The following CLPX variants were observed in gnomAD, a reference collection of about 807,000 sequenced individuals.
CLPX encodes ATP-dependent clpX-like chaperone, mitochondrial.
A neutral mutation model predicts 76.4 loss-of-function variants in CLPX; 34 were observed. That is an observed-to-expected ratio of 0.45 (90% CI 0.34 to 0.59). The LOEUF (loss-of-function observed/expected upper bound fraction) is 0.59, where lower values mean the gene tolerates loss of function less well. Ranked by LOEUF, CLPX falls within the 20% of genes least tolerant of loss-of-function variation. The pLI, the probability that CLPX is intolerant of heterozygous loss-of-function variation, is 0.01. For missense variants in CLPX, 613 were observed against 757.0 expected, an observed-to-expected ratio of 0.81 and a Z score of 2.23; for synonymous variants, 248 against 270.9, an observed-to-expected ratio of 0.92 and a Z score of 0.83.
chr15:65,171,103 G>T (rs2087999341), intron 3 of CLPX, among the ~76,000 whole-genome samples: 1 of 151,916 alleles, frequency 6.6e-6, no homozygotes, highest in Non-Finnish European at 1.5e-5. Context: ...TTACAGGCAT[G>T]AGCCACTGCG....
rs1282284584 is a variant in CLPX, at chr15:65,153,443, C to T, written c.1704+104G>A. The T allele has an allele frequency of 4.0e-6, 3 of 746,276 alleles. No homozygotes were observed. In the East Asian group the frequency reaches 8.6e-5, roughly 22 times the overall value. 46.2% of individuals were successfully genotyped at this position (746,276 alleles called of 1,614,324 possible). ...TGCACTCCTTTATTTGAGACTCTGT[C>T]TCAAAATATATATACATATTTTCCA... On this transcript the variant is annotated intron_variant, in intron 12 of 13. Transcript: ENST00000300107.
intron 4 of CLPX, 35 bp from the exon 5 acceptor site, chr15:65,164,223 A>C (rs1472027549): frequency 9.2e-6 from 14 of 1,516,120 alleles, no homozygotes; most frequent in Non-Finnish European, 1.2e-5. Flanking sequence ...ATTTAATATG[A>C]GCTATTATAA....
At position 65,177,194 on chromosome 15, in the gene CLPX, G is replaced by A. The variant is rs190443809; in HGVS notation, c.358+1740C>T. Among the ~76,000 whole-genome samples, 137 of 151,666 alleles carry A rather than the reference G, an allele frequency of 9.0e-4. 1 individual carries two copies. Among genetic ancestry groups the A allele is most frequent in the Middle Eastern group, 3.4e-3 (1 of 294 alleles). On this transcript the variant is annotated intron_variant, in intron 3 of 13. Transcript: ENST00000300107. ...AGAGATTCTCCTGTCTCAGCCTCCCGAACAGCTGGGACTTCAGATGCACGC... is the reference window on the plus strand; with the variant it reads ...AGAGATTCTCCTGTCTCAGCCTCCCAAACAGCTGGGACTTCAGATGCACGC...
At chr15:65,157,055 A>G in intron 8 of CLPX, 123 bp from the exon 9 acceptor site, 1 of 595,410 alleles carries the variant, frequency 1.7e-6, no homozygotes, top group East Asian at 2.9e-5. Flanking sequence ...AACATATCCA[A>G]TAGCTTGACA....
intron 4 of CLPX, among the ~76,000 whole-genome samples, chr15:65,165,570 A>G (rs966289741): frequency 5.9e-5 from 9 of 151,520 alleles, no homozygotes; most frequent in Admixed American, 1.3e-4. Context: ...TTTTTTTAGT[A>G]GAGACGGGGT....
intron 12 of CLPX, 148 bp downstream of exon 12, chr15:65,153,399 T>C (rs1411529247): frequency 3.4e-6 from 2 of 582,568 alleles, no homozygotes; most frequent in Non-Finnish European, 5.9e-6. Context: ...GAGATTGCAG[T>C]GAGCCAAGAT....
intron 2 of CLPX, among the ~76,000 whole-genome samples, chr15:65,179,677 T>C (rs997628972): frequency 6.6e-6 from 1 of 152,206 alleles, no homozygotes; most frequent in African/African-American, 2.4e-5. Flanking sequence ...CATTAAGTTA[T>C]ACCACAAATC....
chr15:65,156,865 T>C lies in CLPX; in HGVS notation c.1125A>G (p.Val375=), dbSNP rs1378311719. 1.2e-6 allele frequency: 2 copies of C among 1,613,100 alleles called. No individual in the cohort carries two copies. The highest frequency in any genetic ancestry group is 1.7e-6 in the Non-Finnish European group (2 of 1,179,254). ...SVPGIHQLRD[V]GGEGVQQGLL... ...TTACTTGCTGAACGCCTTCTCCACCTACATCCCGTAATTGATGAATGCCTG... is the reference window on the plus strand; with the variant it reads ...TTACTTGCTGAACGCCTTCTCCACCCACATCCCGTAATTGATGAATGCCTG... Residue 375 remains valine (V), a synonymous_variant, in exon 9 of 14, where the codon GTA becomes GTG. Transcript: ENST00000300107.
chr15:65,177,837 C>T (rs1163996243), intron 3 of CLPX, among the ~76,000 whole-genome samples: 2 of 151,976 alleles, frequency 1.3e-5, no homozygotes, highest in African/African-American at 4.8e-5. Context: ...CAGGTTCTTG[C>T]TTTGTCGCCG....
chr15:65,175,827 CAGA>C (rs991034999), intron 3 of CLPX, among the ~76,000 whole-genome samples: 3 of 152,066 alleles, frequency 2.0e-5, no homozygotes, highest in Non-Finnish European at 2.9e-5. Context: ...TGATCAGACA[CAGA>C]AGGATTCAAA....
intron 6 of CLPX, among the ~76,000 whole-genome samples, chr15:65,161,823 A>G (rs2087859208): frequency 2.6e-5 from 4 of 152,176 alleles, no homozygotes. Flanking sequence ...CAGTATTTCT[A>G]TAAATTTAAA....
At chr15:65,183,753 TG>T (rs1451893465) in intron 1 of CLPX, among the ~76,000 whole-genome samples, 1 of 152,136 alleles carries the variant, frequency 6.6e-6, no homozygotes, top group Non-Finnish European at 1.5e-5. Flanking sequence ...ATCCACCCAC[TG>T]GAAACTGTAT....
chr15:65,155,841 G>C lies in CLPX; in HGVS notation c.1162C>G (p.Leu388Val). 1 of 1,613,318 alleles carries C rather than the reference G, an allele frequency of 6.2e-7. No individual in the cohort carries two copies. The highest frequency in any genetic ancestry group is 8.5e-7 in the Non-Finnish European group (1 of 1,179,446). ...GGAACATTGACTATTGTGCCTTCTA[G>C]TAGTTTTAATAAGCCCTAAATAAAG... ...EGVQQGLLKL[L>V]EGTIVNVPEK... Residue 388 changes from leucine to valine, a missense_variant, in exon 10 of 14, where the codon CTA becomes GTA. Leu to Val is a conservative substitution (Grantham distance 32). Around this residue, in one of 2 missense-constraint regions of CLPX, gnomAD observed 450 missense variants for 638.6 expected, o/e 0.70. Transcript: ENST00000300107.
intron 12 of CLPX, among the ~76,000 whole-genome samples, 182 bp from the exon 13 acceptor site, chr15:65,152,718 G>T: frequency 1.4e-5 from 2 of 147,144 alleles, no homozygotes; most frequent in East Asian, 2.0e-4. Context: ...TATATATTTG[G>T]GATTATAGCT....
At chr15:65,155,638 T>A in intron 10 of CLPX, 54 bp downstream of exon 10, 2 of 1,411,516 alleles carry the variant, frequency 1.4e-6, no homozygotes, top group Non-Finnish European at 2.0e-6. Context: ...GGAAACTGAG[T>A]GTACATCCTT....
intron 12 of CLPX, 144 bp downstream of exon 12, chr15:65,153,403 C>A: frequency 3.4e-6 from 2 of 595,198 alleles, no homozygotes; most frequent in Admixed American, 3.8e-5. Context: ...TTGCAGTGAG[C>A]CAAGATCGCA....
intron 1 of CLPX, 48 bp from the exon 2 acceptor site, chr15:65,180,252 ATCCCCTGGAAACAAAAAT>A: frequency 7.0e-7 from 1 of 1,429,654 alleles, no homozygotes; most frequent in Non-Finnish European, 9.5e-7. Context: ...GCCTCAATAA[ATCCCCTGGAAACAAAAAT>A]TCCTTGAGCA....
intron 13 of CLPX, among the ~76,000 whole-genome samples, chr15:65,152,142 A>G (rs1377705083): frequency 6.6e-6 from 1 of 151,998 alleles, no homozygotes; most frequent in Non-Finnish European, 1.5e-5. Context: ...GTTGGCCAGG[A>G]TGGTCTCTAT....
chr15:65,150,832 T>C lies in CLPX; in HGVS notation c.1893A>G (p.Ala631=). The C allele has an allele frequency of 1.9e-6, 3 of 1,610,966 alleles. No individual in the cohort carries two copies. The highest frequency in any genetic ancestry group is 2.5e-6 in the Non-Finnish European group (3 of 1,177,524). The stretch of plus-strand genomic sequence containing the variant: ...ACAGCAATATGACAGTTTAGCTGTT[T>C]GCAGCATCTGCTTGGCGGGGCCATC... ...EEGWPRQADA[A]NS Residue 631 remains alanine (A), a synonymous_variant, in exon 14 of 14, where the codon GCA becomes GCG. Coordinates refer to ENST00000300107, the MANE Select transcript of CLPX (RefSeq NM_006660.5).
Sources: allele counts gnomAD v4.1 joint callset (sites outside exome capture counted in the v4.1 genomes callset), GRCh38; gene constraint gnomAD v4.1.1; regional missense constraint gnomAD v4.1.1; transcripts MANE v1.5; gene names NCBI Gene and HGNC (gene_info 2026-07-23, HGNC 2026-07-21).